GABPB2: variants seen among roughly 807,000 people sequenced by gnomAD.
GABPB2 encodes the protein GA binding protein transcription factor subunit beta 2.
GABPB2 carries 23 observed loss-of-function variants against 39.1 expected under a neutral mutation model. That is an observed-to-expected ratio of 0.59 (90% confidence interval 0.42 to 0.83). The LOEUF (loss-of-function observed/expected upper bound fraction) is 0.83, where lower values mean the gene tolerates loss of function less well. GABPB2 is among the 40% of genes least tolerant of loss of function. The pLI, the probability that GABPB2 is intolerant of heterozygous loss-of-function variation, is 0.00. For missense variants in GABPB2, 467 were observed against 541.1 expected (o/e 0.86, Z 1.36); for synonymous variants, 184 against 199.3 (o/e 0.92, Z 0.65).
Position 151,124,100 on chromosome 1 carries a change from AAAAAGAAAG to A in GABPB2, c.*5849_*5857del, listed in dbSNP as rs1389511640. 2.6e-5 allele frequency: 3 copies of A among 117,296 alleles called. No individual in the cohort carries two copies. The highest frequency in any genetic ancestry group is 8.5e-5 in the African/African-American group (3 of 35,272). 7.3% of individuals were successfully genotyped at this position (117,296 alleles called of 1,614,324 possible). A position where few individuals can be genotyped will look rare whatever the true frequency, so the allele number is the denominator to read the frequency against. On this transcript the variant is annotated 3_prime_UTR_variant, in exon 9 of 9. Coordinates refer to ENST00000368918, the MANE Select transcript of GABPB2 (RefSeq NM_144618.3). ...GGGCGCGGTGGCTCACAAAAAAAAA[AAAAAGAAAG>A]AAAAAGGAAAAAAAGAAATATCAGT... is the stretch of plus-strand genomic sequence containing the variant.
intron 1 of GABPB2, among the ~76,000 whole-genome samples, chr1:151,075,937 A>G (rs1032319936): frequency 2.0e-5 from 3 of 152,058 alleles, no homozygotes; most frequent in Admixed American, 1.3e-4. Flanking sequence ...TAACTTTTTC[A>G]GGGTGAATAG....
chr1:151,097,424 T>A (rs969127463), intron 4 of GABPB2, among the ~76,000 whole-genome samples: 18 of 152,236 alleles, frequency 1.2e-4, no homozygotes, highest in African/African-American at 3.8e-4. Context: ...GAACTAGTTA[T>A]AATTGATAGA....
intron 7 of GABPB2, among the ~76,000 whole-genome samples, chr1:151,113,616 A>G (rs1173576702): frequency 1.3e-5 from 2 of 152,218 alleles, no homozygotes; most frequent in African/African-American, 2.4e-5. Flanking sequence ...GATTCAGTAC[A>G]GTTCTAAGAA....
chr1:151,083,186 T>C (rs747688973), intron 1 of GABPB2, among the ~76,000 whole-genome samples: 15 of 152,276 alleles, frequency 9.9e-5, no homozygotes, highest in Non-Finnish European at 1.8e-4. Flanking sequence ...TGCATTTTAT[T>C]ATACAATGTC....
chr1:151,113,186 T>A (rs1183390682), intron 7 of GABPB2, among the ~76,000 whole-genome samples: 5 of 151,622 alleles, frequency 3.3e-5, no homozygotes, highest in Non-Finnish European at 5.9e-5. Flanking sequence ...ATGCTGTGAT[T>A]GGCCGGGTGC....
At position 151,081,808 on chromosome 1, in the gene GABPB2, T is replaced by C. The variant is rs587747001; in HGVS notation, c.1-6382T>C. On this transcript the variant is annotated intron_variant, in intron 1 of 8. Coordinates refer to ENST00000368918, the MANE Select transcript of GABPB2 (RefSeq NM_144618.3). ...CACCACCATGCCCAGCTAATTCTTT[T>C]GTATTTTTTGAAAAGACAGAGTTTC... 5.8e-4 allele frequency among the ~76,000 whole-genome samples: 88 copies of C among 151,916 alleles called. No homozygotes were observed. The Middle Eastern group carries it at 0.01, about 18-fold the overall frequency.
At chr1:151,109,519 C>T (rs1306958663) in intron 7 of GABPB2, among the ~76,000 whole-genome samples, 6 of 150,806 alleles carry the variant, frequency 4.0e-5, no homozygotes, top group Admixed American at 1.3e-4. Context: ...CCACCACGCC[C>T]GGCTAATTTT....
At chr1:151,115,694 G>A (rs892841542) in intron 7 of GABPB2, among the ~76,000 whole-genome samples, 2 of 152,054 alleles carry the variant, frequency 1.3e-5, no homozygotes, top group Non-Finnish European at 2.9e-5. Flanking sequence ...GAGCCACTGC[G>A]CCCATCCTGC....
intron 1 of GABPB2, chr1:151,073,216 C>A (rs1676871580): frequency 6.6e-6 from 1 of 152,052 alleles, no homozygotes; most frequent in Admixed American, 6.6e-5. Context: ...GAGACAGAGT[C>A]CCTCTGTGTT....
At chr1:151,109,364 ATTT>A (rs56324886) in intron 7 of GABPB2, among the ~76,000 whole-genome samples, 1 of 112,372 alleles carries the variant, frequency 8.9e-6, no homozygotes, top group African/African-American at 3.4e-5. Context: ...ATATATATAT[ATTT>A]TTTTTTTTGA....
rs751689061 is a variant in GABPB2, at chr1:151,082,975, C to CA, written c.1-5201dup. On this transcript the variant is annotated intron_variant, in intron 1 of 8. Transcript: ENST00000368918. ...TGGGCAACAGAAAAAGACCCTGTCT[C>CA]AAAAAAAAAAAAAAGAAAAGAAAAA... 7.9e-3 allele frequency among the ~76,000 whole-genome samples: 923 copies of CA among 116,734 alleles called. 6 individuals carry two copies. The highest frequency in any genetic ancestry group is 9.8e-3 in the Middle Eastern group (2 of 204). 76.6% of individuals were successfully genotyped at this position (116,734 alleles called of 152,430 possible). A position where few individuals can be genotyped will look rare whatever the true frequency, so the allele number is the denominator to read the frequency against.
rs587618305 is a variant in GABPB2 at position 151,124,448 on chromosome 1, C to CTTT, written c.*6207_*6209dup. ...AGGTGTGAGCCACCACGCCCAGCCT[C>CTTT]TTTTTTTTTTTTTTTTTCTCACCAG... On this transcript the variant is annotated 3_prime_UTR_variant, in exon 9 of 9. Transcript: ENST00000368918. The CTTT allele has an allele frequency of 4.5e-5, 6 of 133,450 alleles. No individual in the cohort carries two copies. The highest frequency in any genetic ancestry group is 8.1e-5 in the Non-Finnish European group (5 of 61,504). 8.3% of individuals were successfully genotyped at this position (133,450 alleles called of 1,614,324 possible). A position where few individuals can be genotyped will look rare whatever the true frequency, so the allele number is the denominator to read the frequency against.
chr1:151,103,510 G>T, intron 5 of GABPB2, 52 bp from the exon 6 acceptor site: 2 of 1,190,694 alleles, frequency 1.7e-6, no homozygotes, highest in Non-Finnish European at 2.5e-6. Context: ...TTTTTAATTT[G>T]CCTCAATTTT....
At chr1:151,110,891 T>C (rs928455416) in intron 7 of GABPB2, among the ~76,000 whole-genome samples, 2 of 152,242 alleles carry the variant, frequency 1.3e-5, no homozygotes, top group African/African-American at 4.8e-5. Flanking sequence ...TGCTTTCCAC[T>C]GACATCAGTT....
intron 7 of GABPB2, among the ~76,000 whole-genome samples, chr1:151,109,156 T>A (rs1680189147): frequency 6.6e-6 from 1 of 151,926 alleles, no homozygotes; most frequent in Non-Finnish European, 1.5e-5. Context: ...ATCATGCCAC[T>A]GCACTCCAGC....
chr1:151,076,507 G>T (rs1046355398), intron 1 of GABPB2, among the ~76,000 whole-genome samples: 2 of 152,072 alleles, frequency 1.3e-5, no homozygotes, highest in Non-Finnish European at 2.9e-5. Context: ...TTGGTTCACT[G>T]CAAGCTCTGC....
At chr1:151,078,321 C>T (rs936028330) in intron 1 of GABPB2, among the ~76,000 whole-genome samples, 4 of 151,182 alleles carry the variant, frequency 2.6e-5, no homozygotes, top group Admixed American at 6.6e-5. Flanking sequence ...ACACTGGGCG[C>T]GGTGGCTCAC....
At chr1:151,103,931 A>G (rs1571960006) in intron 6 of GABPB2, among the ~76,000 whole-genome samples, 1 of 152,146 alleles carries the variant, frequency 6.6e-6, no homozygotes, top group African/African-American at 2.4e-5. Context: ...CCCTGACTCT[A>G]GTTACTTCAG....
chr1:151,095,825 G>A (rs1679057267), intron 4 of GABPB2, among the ~76,000 whole-genome samples: 1 of 152,088 alleles, frequency 6.6e-6, no homozygotes, highest in Non-Finnish European at 1.5e-5. Flanking sequence ...CCTGAGGTCA[G>A]GACTTCAAGA....
Sources: allele counts gnomAD v4.1 joint callset (sites outside exome capture counted in the v4.1 genomes callset), GRCh38; gene constraint gnomAD v4.1.1; transcripts MANE v1.5; gene names NCBI Gene and HGNC (gene_info 2026-07-23, HGNC 2026-07-21).